Variants in TSPAN5 observed in about 807,000 individuals in gnomAD.
TSPAN5 encodes the protein tetraspanin 5.
TSPAN5 carries 10 observed loss-of-function variants against 37.1 expected under a neutral mutation model. That is an observed-to-expected ratio of 0.27 (90% CI 0.17 to 0.46). The LOEUF (loss-of-function observed/expected upper bound fraction) is 0.46, where lower values mean the gene tolerates loss of function less well. TSPAN5 is among the 20% of genes least tolerant of loss of function. The probability of loss-of-function intolerance (pLI) is 1.00; values close to 1 mark genes in which losing one functional copy is unlikely to be tolerated. For missense variants in TSPAN5, 195 were observed against 326.6 expected, an observed-to-expected ratio of 0.60 and a Z score of 3.11; for synonymous variants, 110 against 118.9, an observed-to-expected ratio of 0.93 and a Z score of 0.48.
chr4:98,527,154 A>G (rs1753979906), intron 1 of TSPAN5, among the ~76,000 whole-genome samples: 1 of 152,234 alleles, frequency 6.6e-6, no homozygotes, highest in Non-Finnish European at 1.5e-5. Flanking sequence ...TAGAGGAGGC[A>G]AGTGAGAATC....
At chr4:98,502,918 A>G (rs540041189) in intron 2 of TSPAN5, among the ~76,000 whole-genome samples, 2 of 151,558 alleles carry the variant, frequency 1.3e-5, no homozygotes, top group African/African-American at 2.4e-5. Flanking sequence ...AGAGCATCGC[A>G]GTGTCTATCC....
chr4:98,472,420 C>A lies in TSPAN5; in HGVS notation c.*102G>T. 1 of 963,076 alleles carries A rather than the reference C, an allele frequency of 1.0e-6. No homozygotes were observed. Among genetic ancestry groups the A allele is most frequent in the Non-Finnish European group, 1.6e-6 (1 of 624,442 alleles). The allele number at this position is 963,076 out of a possible 1,614,324, so 59.7% of individuals were successfully genotyped here. A position where few individuals can be genotyped will look rare whatever the true frequency, so the allele number is the denominator to read the frequency against. ...CTCCATTAGGCGAGACTGCAGGCTG[C>A]ATCTGTGATTAGGTCCATGCAGCTC... On this transcript the variant is annotated 3_prime_UTR_variant, in exon 8 of 8. Transcript: ENST00000305798.
rs1371652310 is a variant in TSPAN5, at chr4:98,616,607, C to G, written c.81+41539G>C. On this transcript the variant is annotated intron_variant, in intron 1 of 7. Transcript: ENST00000305798. ...CATAGCGCACAGCCTCAGACTCACC[C>G]TGAAACATTTTTGGGCCTCAATCTC... Among the ~76,000 whole-genome samples, 2 of 152,198 alleles carry G rather than the reference C, an allele frequency of 1.3e-5. 1 individual carries two copies. The highest frequency in any genetic ancestry group is 2.9e-5 in the Non-Finnish European group (2 of 68,034).
intron 1 of TSPAN5, among the ~76,000 whole-genome samples, chr4:98,539,186 C>A (rs1754303669): frequency 6.6e-6 from 1 of 151,418 alleles, no homozygotes; most frequent in African/African-American, 2.4e-5. Context: ...ACTTTCAATG[C>A]TTGTATGTTT....
At chr4:98,611,636 G>A (rs1048101882) in intron 1 of TSPAN5, among the ~76,000 whole-genome samples, 3 of 152,188 alleles carry the variant, frequency 2.0e-5, no homozygotes, top group African/African-American at 7.2e-5. Context: ...GAGAAAACAA[G>A]CTGCCTCGTC....
At chr4:98,603,311 T>C (rs1161412152) in intron 1 of TSPAN5, among the ~76,000 whole-genome samples, 1 of 152,222 alleles carries the variant, frequency 6.6e-6, no homozygotes, top group African/African-American at 2.4e-5. Context: ...AGACATCCTT[T>C]GCTGAGGAAC....
chr4:98,583,982 T>A lies in TSPAN5; in HGVS notation c.81+74164A>T, dbSNP rs556782684. Among the ~76,000 whole-genome samples, 43 of 152,138 alleles carry A rather than the reference T, an allele frequency of 2.8e-4. 2 individuals carry two copies. The highest frequency in any genetic ancestry group is 2.6e-3 in the Admixed American group (39 of 15,278). On this transcript the variant is annotated intron_variant, in intron 1 of 7. Coordinates refer to ENST00000305798, the MANE Select transcript of TSPAN5 (RefSeq NM_005723.4). The stretch of plus-strand genomic sequence containing the variant: ...GCTTGTCCCTGGCTCCCCCTCCCTC[T>A]CCCACTCCCACCTTCCAGTCTCAAA...
intron 1 of TSPAN5, among the ~76,000 whole-genome samples, chr4:98,557,256 C>T (rs187248796): frequency 1.3e-5 from 2 of 152,180 alleles, no homozygotes; most frequent in East Asian, 3.9e-4. Flanking sequence ...TCTGTGGTCT[C>T]CAAAAATGAC....
intron 1 of TSPAN5, among the ~76,000 whole-genome samples, chr4:98,538,500 G>A (rs148169629): frequency 1.5e-3 from 222 of 152,316 alleles, no homozygotes; most frequent in African/African-American, 5.2e-3. Flanking sequence ...ACATCTAAGA[G>A]TCACATCCAT....
intron 1 of TSPAN5, among the ~76,000 whole-genome samples, chr4:98,600,743 C>A (rs773590940): frequency 2.0e-5 from 3 of 152,132 alleles, no homozygotes; most frequent in African/African-American, 7.2e-5. Context: ...CTCCCCAACA[C>A]CAGTTAATAT....
chr4:98,551,583 C>G (rs1754619036), intron 1 of TSPAN5, among the ~76,000 whole-genome samples: 1 of 151,192 alleles, frequency 6.6e-6, no homozygotes, highest in African/African-American at 2.4e-5. Context: ...CCTCCGCCTC[C>G]CGGGTTCAAG....
At chr4:98,599,677 T>C (rs182510435) in intron 1 of TSPAN5, among the ~76,000 whole-genome samples, 1 of 152,328 alleles carries the variant, frequency 6.6e-6, no homozygotes, top group East Asian at 1.9e-4. Context: ...TGAATGAACA[T>C]TGTATGTGGT....
At chr4:98,610,593 A>G (rs571888129) in intron 1 of TSPAN5, among the ~76,000 whole-genome samples, 60 of 152,342 alleles carry the variant, frequency 3.9e-4, no homozygotes, top group African/African-American at 1.4e-3. Flanking sequence ...CACAGCACCC[A>G]GGCAAAGAAC....
intron 1 of TSPAN5, among the ~76,000 whole-genome samples, chr4:98,636,183 T>C (rs1756854033): frequency 6.6e-6 from 1 of 152,214 alleles, no homozygotes; most frequent in Admixed American, 6.5e-5. Context: ...AAGGGCATAA[T>C]GTGGCAGTTC....
rs1018493376 is a variant in TSPAN5, at chr4:98,490,784, G to A, written c.133-3900C>T. Among the ~76,000 whole-genome samples the A allele has an allele frequency of 6.6e-5, 10 of 152,106 alleles. No individual in the cohort carries two copies. In the South Asian group the frequency reaches 1.0e-3, roughly 16 times the overall value. ...GACATAAAATTGTATGTATTGGCCC[G>A]GCTTGATGGCTCACGCCTGTAATCC... is the stretch of plus-strand genomic sequence containing the variant. On this transcript the variant is annotated intron_variant, in intron 2 of 7. Coordinates refer to ENST00000305798, the MANE Select transcript of TSPAN5 (RefSeq NM_005723.4).
chr4:98,594,142 A>G (rs1755711204), intron 1 of TSPAN5, among the ~76,000 whole-genome samples: 1 of 120,276 alleles, frequency 8.3e-6, no homozygotes, highest in African/African-American at 4.1e-5. Context: ...TTCTCCTTGA[A>G]GAGGTCCTTC....
At chr4:98,560,977 T>C (rs1009337914) in intron 1 of TSPAN5, among the ~76,000 whole-genome samples, 12 of 152,230 alleles carry the variant, frequency 7.9e-5, no homozygotes, top group African/African-American at 1.9e-4. Flanking sequence ...GCTAGTATAA[T>C]GAGGTATGTG....
At chr4:98,644,978 T>G (rs898723752) in intron 1 of TSPAN5, among the ~76,000 whole-genome samples, 6 of 152,240 alleles carry the variant, frequency 3.9e-5, no homozygotes, top group African/African-American at 1.4e-4. Flanking sequence ...CTAATAGATT[T>G]CAGTTTATAA....
intron 1 of TSPAN5, among the ~76,000 whole-genome samples, chr4:98,571,961 A>G (rs955844175): frequency 1.7e-5 from 2 of 121,160 alleles, no homozygotes; most frequent in African/African-American, 3.7e-5. Context: ...TGAGAGAGAC[A>G]TTTTATTTAT....
Sources: allele counts gnomAD v4.1 joint callset (sites outside exome capture counted in the v4.1 genomes callset), GRCh38; gene constraint gnomAD v4.1.1; transcripts MANE v1.5; gene names NCBI Gene and HGNC (gene_info 2026-07-23, HGNC 2026-07-21).